Variants in TUSC3 observed in about 807,000 individuals in gnomAD.
TUSC3 encodes dolichyl-diphosphooligosaccharide--protein glycosyltransferase subunit TUSC3.
A neutral mutation model predicts 44.8 loss-of-function variants in TUSC3; 45 were observed. That is an observed-to-expected ratio of 1.00 (90% CI 0.79 to 1.29). The LOEUF (loss-of-function observed/expected upper bound fraction) is 1.29, where lower values mean the gene tolerates loss of function less well. Among genes scored for constraint, TUSC3 ranks in the 50% most tolerant of loss-of-function variants. The pLI is 0.00. For synonymous variants in TUSC3, 212 were observed against 152.9 expected (o/e 1.39, Z -2.85); for missense variants, 519 against 437.9 (o/e 1.19, Z -1.65).
intron 2 of TUSC3, among the ~76,000 whole-genome samples, chr8:15,504,728 C>T (rs142856541): frequency 0.013 from 1,861 of 146,460 alleles, 21 homozygotes; most frequent in East Asian, 0.047. Flanking sequence ...TCTTGGCTCA[C>T]TGCAACCTCT....
At chr8:15,449,928 C>T (rs1255912630) in intron 1 of TUSC3, among the ~76,000 whole-genome samples, 1 of 152,026 alleles carries the variant, frequency 6.6e-6, no homozygotes, top group Non-Finnish European at 1.5e-5. Context: ...TCAGTGTAGT[C>T]ATGCTGTACA....
chr8:15,741,237 T>A (rs981978841), intron 7 of TUSC3, among the ~76,000 whole-genome samples: 1 of 152,196 alleles, frequency 6.6e-6, no homozygotes, highest in African/African-American at 2.4e-5. Flanking sequence ...AAAACTGTCA[T>A]ACATTTTATT....
intron 1 of TUSC3, among the ~76,000 whole-genome samples, chr8:15,576,658 T>C (rs1291706549): frequency 7.1e-6 from 1 of 140,744 alleles, no homozygotes; most frequent in Non-Finnish European, 1.5e-5. Flanking sequence ...TTTTTATGGC[T>C]GCATAGTATT....
intron 2 of TUSC3, among the ~76,000 whole-genome samples, chr8:15,507,480 C>A (rs557415074): frequency 2.0e-5 from 3 of 152,030 alleles, no homozygotes; most frequent in African/African-American, 7.2e-5. Context: ...GGAAAAGCAT[C>A]TTTTTTTGTA....
intron 2 of TUSC3, among the ~76,000 whole-genome samples, chr8:15,635,222 T>C (rs1033951148): frequency 3.3e-5 from 5 of 152,202 alleles, no homozygotes; most frequent in African/African-American, 9.6e-5. Flanking sequence ...ATCTCTTGTA[T>C]TGATCATTTC....
At position 15,509,576 on chromosome 8, in the gene TUSC3, C is replaced by G. The variant is rs144850042; in HGVS notation, n.189+26093C>G. ...TGAGCCGAGATTGTGCCACTGCACT[C>G]AAACCTGGGAGACAGAGTGAGACAC... On this transcript the variant is annotated intron_variant and non_coding_transcript_variant, in intron 2 of 5. Transcript: ENST00000503191. Among the ~76,000 whole-genome samples the G allele has an allele frequency of 9.3e-4, 141 of 151,330 alleles. 2 individuals are homozygous for G. The South Asian group carries it at 9.5e-3, about 10-fold the overall frequency.
At chr8:15,435,900 G>A (rs7822598) in intron 1 of TUSC3, among the ~76,000 whole-genome samples, 125,743 of 152,160 alleles carry the variant, frequency 0.83, 53,150 homozygotes, top group Non-Finnish European at 0.91. Context: ...GGCTTAAACA[G>A]TATTTTTATT....
At chr8:15,438,739 C>T (rs149014180) in intron 1 of TUSC3, among the ~76,000 whole-genome samples, 128 of 152,238 alleles carry the variant, frequency 8.4e-4, no homozygotes, top group African/African-American at 2.9e-3. Flanking sequence ...TCATTTAGTG[C>T]AATTCTCAAA....
At chr8:15,792,065 G>A in the TUSC3 span, among the ~76,000 whole-genome samples, 3 of 152,000 alleles carry the variant, frequency 2.0e-5, no homozygotes, top group African/African-American at 4.8e-5. Context: ...ATGTCTGTTT[G>A]CCAGCTTGAA....
At chr8:15,474,478 G>C (rs751472834) in intron 1 of TUSC3, among the ~76,000 whole-genome samples, 4 of 152,092 alleles carry the variant, frequency 2.6e-5, no homozygotes, top group Non-Finnish European at 5.9e-5. Flanking sequence ...GCTCCAGTTG[G>C]TCCCTCCGTT....
intron 2 of TUSC3, among the ~76,000 whole-genome samples, chr8:15,505,880 C>A (rs963232456): frequency 6.6e-6 from 1 of 152,094 alleles, no homozygotes; most frequent in Non-Finnish European, 1.5e-5. Flanking sequence ...GATACAGAAT[C>A]TCTGTAAAAT....
chr8:15,691,833 T>A (rs986521733), intron 6 of TUSC3, among the ~76,000 whole-genome samples: 1 of 152,070 alleles, frequency 6.6e-6, no homozygotes. Flanking sequence ...GGCTGGAGTT[T>A]AGTGGTGTAA....
At chr8:15,781,097 G>C in the TUSC3 span, among the ~76,000 whole-genome samples, 2 of 152,290 alleles carry the variant, frequency 1.3e-5, no homozygotes, top group African/African-American at 4.8e-5. Flanking sequence ...CACTTCCTGA[G>C]TGTTCTTTCC....
At chr8:15,445,922 T>TCCGGACGGGGCGGCTGG (rs2129119264) in intron 1 of TUSC3, among the ~76,000 whole-genome samples, 1 of 93,050 alleles carries the variant, frequency 1.1e-5, no homozygotes, top group South Asian at 3.9e-4. Context: ...CCCCCCACCT[T>TCCGGACGGGGCGGCTGG]CCGGACGGGG....
At chr8:15,642,705 T>G (rs1017270049) in intron 2 of TUSC3, among the ~76,000 whole-genome samples, 1 of 152,174 alleles carries the variant, frequency 6.6e-6, no homozygotes, top group African/African-American at 2.4e-5. Context: ...TATATGAATT[T>G]ACTTAACAGA....
chr8:15,758,828 G>C (rs1812046113), intron 10 of TUSC3, among the ~76,000 whole-genome samples: 2 of 152,054 alleles, frequency 1.3e-5, no homozygotes, highest in Non-Finnish European at 2.9e-5. Context: ...TGAGCACTAG[G>C]AGACTGGACT....
At chr8:15,553,794 A>G (rs2129137495) in intron 1 of TUSC3, among the ~76,000 whole-genome samples, 1 of 151,722 alleles carries the variant, frequency 6.6e-6, no homozygotes, top group East Asian at 2.0e-4. Context: ...AAATGAAAAT[A>G]AAGAATGTTA....
chr8:15,619,432 G>A (rs1805143063), intron 1 of TUSC3, among the ~76,000 whole-genome samples: 1 of 151,928 alleles, frequency 6.6e-6, no homozygotes, highest in Admixed American at 6.6e-5. Context: ...AAACAATTTA[G>A]AAGTGACAAA....
the TUSC3 span, among the ~76,000 whole-genome samples, chr8:15,798,718 G>A: frequency 7.9e-5 from 12 of 151,970 alleles, no homozygotes; most frequent in Admixed American, 5.9e-4. Context: ...CTTTCCAGCC[G>A]GGACCACTAG....
Sources: gnomAD v4.1 joint callset for allele counts (sites outside exome capture counted in the v4.1 genomes callset) on GRCh38, gnomAD v4.1.1 for gene constraint, MANE v1.5 for transcripts, NCBI Gene and HGNC (gene_info 2026-07-23, HGNC 2026-07-21) for gene names.